Variants in LRP2BP observed in about 807,000 individuals in gnomAD.
LRP2BP encodes LRP2-binding protein.
In LRP2BP, 38 loss-of-function variants were observed where a neutral mutation model predicts 45.2. The observed-to-expected ratio is 0.84, with a 90% CI of 0.65 to 1.10. LRP2BP has a LOEUF of 1.10. Ranked by LOEUF, LRP2BP falls within the 50% of genes least tolerant of loss-of-function variation. The pLI is 0.00. For missense variants in LRP2BP, 385 were observed against 418.9 expected (o/e 0.92, Z 0.71); for synonymous variants, 153 against 153.9 (o/e 0.99, Z 0.04).
chr4:185,396,031 C>T (rs1342448532), upstream of LRP2BP: 1 of 452,832 alleles, frequency 2.2e-6, no homozygotes, highest in African/African-American at 2.1e-5. Context: ...AGCGGCTTCA[C>T]CAGCCCCGCG....
chr4:185,370,767 A>C lies in LRP2BP; in HGVS notation c.851T>G (p.Val284Gly). 6.2e-7 allele frequency: 1 copy of C among 1,614,106 alleles called. No individual in the cohort carries two copies. The highest frequency in any genetic ancestry group is 2.2e-5 in the East Asian group (1 of 44,866). The change falls in exon 8 of 9, where the codon GTC becomes GGC. Residue 284 changes from valine to glycine, a missense_variant. Physicochemically the swap from Val to Gly is moderately radical, Grantham distance 109 (BLOSUM62 -3). Coordinates refer to ENST00000505916, the MANE Select transcript of LRP2BP (RefSeq NM_001377440.1). Reference sequence around the variant, plus strand: ...GATGAACTCCGGGAGACAGTCTGTGACCTGGGCGATCATGGGGATGTCGTG... The same window carrying C: ...GATGAACTCCGGGAGACAGTCTGTGCCCTGGGCGATCATGGGGATGTCGTG... The part of the protein sequence containing the change: ...EVHDIPMIAQ[V>G]TDCLPEFIGR...
Position 185,370,730 on chromosome 4 carries a change from C to T in LRP2BP, c.888G>A (p.Met296Ile). ...TTGCGTGGTAGAAGGATGCCATTGC[C>T]ATGCCTCTGCCGATGAACTCCGGGA... ...DCLPEFIGRG[M>I]AMASFYHARC... The change falls in exon 8 of 9, where the codon ATG becomes ATA. Residue 296 changes from methionine to isoleucine, a missense_variant. By Grantham distance (10) the Met-to-Ile change is conservative (BLOSUM62 1). Transcript: ENST00000505916. 2.5e-6 allele frequency: 4 copies of T among 1,614,048 alleles called. No homozygotes were observed. In the South Asian group the frequency reaches 3.3e-5, roughly 13 times the overall value.
chr4:185,392,971 T>TC (rs2095492210), intron 1 of LRP2BP, among the ~76,000 whole-genome samples: 1 of 152,250 alleles, frequency 6.6e-6, no homozygotes, highest in African/African-American at 2.4e-5. Flanking sequence ...CCTCACTCGG[T>TC]CACCCAGGCT....
Position 185,378,198 on chromosome 4 carries a change from A to G in LRP2BP, c.-12T>C, listed in dbSNP as rs547359046. 6.2e-7 allele frequency: 1 copy of G among 1,613,460 alleles called. No individual in the cohort carries two copies. Among genetic ancestry groups the G allele is most frequent in the Admixed American group, 1.7e-5 (1 of 59,852 alleles). ...CTGGTCAACTTCATCCTTTTTCTGC[A>G]ATGTGTATTCTATAAGCAAGAAGAA... On this transcript the variant is annotated 5_prime_UTR_variant, in exon 2 of 9. Transcript: ENST00000505916.
At chr4:185,387,277 C>T (rs1425479832) in intron 1 of LRP2BP, among the ~76,000 whole-genome samples, 1 of 152,142 alleles carries the variant, frequency 6.6e-6, no homozygotes, top group Non-Finnish European at 1.5e-5. Flanking sequence ...GGATTATGTG[C>T]AGGTATATAA....
In LRP2BP at chr4:185,395,727, A is replaced by G; in HGVS notation, c.-970T>C. The G allele has an allele frequency of 1.0e-6, 1 of 985,464 alleles. No individual in the cohort carries two copies. Among genetic ancestry groups the G allele is most frequent in the Non-Finnish European group, 1.2e-6 (1 of 829,922 alleles). 61.0% of individuals were successfully genotyped at this position (985,464 alleles called of 1,614,324 possible). ...TGGCTCTTACTACAAAACAAAAAGT[A>G]GAATGAAAAGACCACTTATCTTTAG... On this transcript the variant is annotated 5_prime_UTR_variant, in exon 1 of 9. Coordinates refer to ENST00000505916, the MANE Select transcript of LRP2BP (RefSeq NM_001377440.1).
In LRP2BP at chr4:185,388,900, A is replaced by G. The variant is rs189573409; in HGVS notation, c.-22+5879T>C. On this transcript the variant is annotated intron_variant, in intron 1 of 8. Coordinates refer to ENST00000505916, the MANE Select transcript of LRP2BP (RefSeq NM_001377440.1). ...TAATAATTATTATTTTTTTTGAGAC[A>G]GAGTCTTGCTCTGTCGCCAGGCTGG... 2.1e-3 allele frequency among the ~76,000 whole-genome samples: 313 copies of G among 152,122 alleles called. 1 individual carries two copies. The highest frequency in any genetic ancestry group is 4.6e-3 in the Admixed American group (71 of 15,284).
intron 1 of LRP2BP, 185 bp from the exon 2 acceptor site, chr4:185,378,392 G>C (rs2095445341): frequency 2.7e-5 from 37 of 1,377,936 alleles, no homozygotes; most frequent in Non-Finnish European, 3.2e-5. Context: ...CTCCTCCCTA[G>C]CTGAGAGACA....
intron 8 of LRP2BP, among the ~76,000 whole-genome samples, chr4:185,368,272 T>A (rs973286872): frequency 2.0e-5 from 3 of 152,210 alleles, no homozygotes; most frequent in Non-Finnish European, 2.9e-5. Flanking sequence ...TAATGCTGGT[T>A]TCACAGAAAC....
At position 185,370,652 on chromosome 4, in the gene LRP2BP, G is replaced by A. The variant is rs752977415; in HGVS notation, c.966C>T (p.His322=). 1.2e-6 allele frequency: 2 copies of A among 1,613,876 alleles called. No individual in the cohort carries two copies. Among genetic ancestry groups the A allele is most frequent in the African/African-American group, 1.3e-5 (1 of 74,872 alleles). ...TTCTAAAGCTTACTTTAGAATAATA[G>A]TGTTTAGCGGTTGTTTCATCCCTGG... The part of the protein sequence containing the change: ...GITRDETTAK[H]YYSKACRLNP... The change falls in exon 8 of 9, where the codon CAC becomes CAT. Residue 322 remains histidine (H), a synonymous_variant. Transcript: ENST00000505916.
At chr4:185,376,795 A>T in intron 3 of LRP2BP, 114 bp downstream of exon 3, 1 of 691,302 alleles carries the variant, frequency 1.4e-6, no homozygotes, top group Non-Finnish European at 2.5e-6. Flanking sequence ...TAGTCGATGT[A>T]ATTGGACAGA....
At chr4:185,397,176 G>A (rs1331850462), upstream of LRP2BP, 3 of 1,613,744 alleles carry the variant, frequency 1.9e-6, 1 homozygote, top group South Asian at 3.3e-5. Context: ...ATTTGCTGGA[G>A]ACAGGGGCCT....
rs770013439 is a variant in LRP2BP, at chr4:185,370,758, CAGTCTGTGACCTGGGCGATCATGGGG to C, written c.834_859del (p.Ile278MetfsTer31). On this transcript the variant is annotated frameshift_variant, in exon 8 of 9. Transcript: ENST00000505916. LOFTEE classifies it high-confidence loss of function. The stretch of plus-strand genomic sequence containing the variant: ...GCCTCTGCCGATGAACTCCGGGAGA[CAGTCTGTGACCTGGGCGATCATGGGG>C]ATGTCGTGAACCTCATCATAGTCAG... The C allele has an allele frequency of 5.0e-6, 8 of 1,614,110 alleles. No individual in the cohort carries two copies. Among genetic ancestry groups the C allele is most frequent in the Non-Finnish European group, 6.8e-6 (8 of 1,180,034 alleles).
intron 1 of LRP2BP, chr4:185,378,670 TGTTGA>T (rs1472384964): frequency 3.2e-5 from 32 of 987,066 alleles, no homozygotes; most frequent in Non-Finnish European, 3.7e-5. Context: ...TTTTAGCTGT[TGTTGA>T]GTTTTATCTT....
At chr4:185,394,613 C>A (rs375653668) in intron 1 of LRP2BP, among the ~76,000 whole-genome samples, 166 bp downstream of exon 1, 1 of 152,210 alleles carries the variant, frequency 6.6e-6, no homozygotes, top group African/African-American at 2.4e-5. Context: ...CACATCACAG[C>A]TGCATGTGTA....
intron 1 of LRP2BP, among the ~76,000 whole-genome samples, chr4:185,391,805 C>T (rs2095489061): frequency 6.6e-6 from 1 of 152,168 alleles, no homozygotes; most frequent in Non-Finnish European, 1.5e-5. Flanking sequence ...GTATTAGAAA[C>T]CCGGATCTGG....
chr4:185,377,862 G>A (rs917432446), intron 2 of LRP2BP: 3 of 463,934 alleles, frequency 6.5e-6, no homozygotes, highest in African/African-American at 6.0e-5. Flanking sequence ...AGTCCTGAGA[G>A]TAAAATCAAG....
At chr4:185,391,755 A>C (rs76861658) in intron 1 of LRP2BP, among the ~76,000 whole-genome samples, 1,830 of 152,232 alleles carry the variant, frequency 0.012, 36 homozygotes, top group African/African-American at 0.042. Context: ...CAGAATCAGC[A>C]ATGTCTGCAA....
Position 185,378,106 on chromosome 4 carries a change from A to G in LRP2BP, c.81T>C (p.Phe27=), listed in dbSNP as rs2030802. 442,920 of 1,612,792 alleles carry G rather than the reference A, an allele frequency of 0.27. 64,729 individuals carry two copies. Among genetic ancestry groups the G allele is most frequent in the African/African-American group, 0.55 (41,101 of 74,888 alleles). The change falls in exon 2 of 9, where the codon TTT becomes TTC. Residue 27 remains phenylalanine, a synonymous_variant. Transcript: ENST00000505916. ...CAGTCTTTTCCTTTTTCCACTGGAAAAATTTTTGGTTTTTAGCAGCATACT... is the reference window on the plus strand; with the variant it reads ...CAGTCTTTTCCTTTTTCCACTGGAAGAATTTTTGGTTTTTAGCAGCATACT... ...VSQYAAKNQK[F]FQWKKEKTDY...
Sources: allele counts gnomAD v4.1 joint callset (sites outside exome capture counted in the v4.1 genomes callset), GRCh38; gene constraint gnomAD v4.1.1; transcripts MANE v1.5; gene names NCBI Gene and HGNC (gene_info 2026-07-23, HGNC 2026-07-21).